The following GCA variants were observed in gnomAD, a reference collection of about 807,000 sequenced individuals.
The protein encoded by GCA is grancalcin.
In GCA, 30 loss-of-function variants were observed where a neutral mutation model predicts 32.6. That is an observed-to-expected ratio of 0.92 (90% confidence interval 0.69 to 1.25). The LOEUF (loss-of-function observed/expected upper bound fraction) is 1.25, where lower values mean the gene tolerates loss of function less well. GCA is among the 50% of genes most tolerant of loss of function. The probability of loss-of-function intolerance (pLI) is 0.00; values close to 1 mark genes in which losing one functional copy is unlikely to be tolerated. For synonymous variants in GCA, 102 were observed against 84.6 expected, an observed-to-expected ratio of 1.21 and a Z score of -1.13; for missense variants, 291 against 266.8, an observed-to-expected ratio of 1.09 and a Z score of -0.63.
intron 1 of GCA, among the ~76,000 whole-genome samples, chr2:162,320,839 C>A (rs750313389): frequency 1.2e-4 from 18 of 152,056 alleles, no homozygotes; most frequent in Non-Finnish European, 2.1e-4. Context: ...AAAAAATATG[C>A]AATGTGCAGG....
intron 1 of GCA, 43 bp from the exon 2 acceptor site, chr2:162,347,535 G>T: frequency 2.5e-6 from 3 of 1,205,872 alleles, no homozygotes; most frequent in South Asian, 1.6e-5. Flanking sequence ...TAGATAATAG[G>T]TAGTATTTAT....
chr2:162,346,859 T>C (rs561982893), intron 1 of GCA, among the ~76,000 whole-genome samples: 1 of 152,344 alleles, frequency 6.6e-6, no homozygotes, highest in South Asian at 2.1e-4. Flanking sequence ...CATTTTGTTA[T>C]GGCTTTAGTT....
intron 1 of GCA, among the ~76,000 whole-genome samples, chr2:162,320,135 A>G (rs1683610947): frequency 6.6e-6 from 1 of 152,194 alleles, no homozygotes; most frequent in Non-Finnish European, 1.5e-5. Flanking sequence ...TGACCATAGC[A>G]GCTGGCATAA....
chr2:162,357,271 T>C (rs1685327402), intron 5 of GCA, among the ~76,000 whole-genome samples: 1 of 151,864 alleles, frequency 6.6e-6, no homozygotes, highest in Non-Finnish European at 1.5e-5. Context: ...AAATAGGTTT[T>C]CAGTGGTAGA....
At chr2:162,328,580 G>A (rs755881226) in intron 1 of GCA, among the ~76,000 whole-genome samples, 1 of 152,190 alleles carries the variant, frequency 6.6e-6, no homozygotes, top group Non-Finnish European at 1.5e-5. Flanking sequence ...CGGGCAGGCT[G>A]TGGGGCTCCG....
At chr2:162,340,965 A>G (rs2105294341), upstream of GCA, among the ~76,000 whole-genome samples, 1 of 152,054 alleles carries the variant, frequency 6.6e-6, no homozygotes, top group Non-Finnish European at 1.5e-5. Flanking sequence ...CTTAACCTTG[A>G]CTTAGGTTTC....
At chr2:162,348,393 AATTT>A (rs1395715949) in intron 2 of GCA, among the ~76,000 whole-genome samples, 24 of 152,178 alleles carry the variant, frequency 1.6e-4, no homozygotes, top group African/African-American at 5.1e-4. Context: ...GAGTCTCGTA[AATTT>A]ATTCAGGTTG....
downstream of GCA, among the ~76,000 whole-genome samples, chr2:162,366,085 T>G (rs1013223120): frequency 6.6e-6 from 1 of 151,738 alleles, no homozygotes; most frequent in African/African-American, 2.4e-5. Context: ...AACATAGTGC[T>G]TTAAAACCAC....
At chr2:162,336,107 T>C (rs1400467203) in intron 1 of GCA, among the ~76,000 whole-genome samples, 5 of 152,222 alleles carry the variant, frequency 3.3e-5, no homozygotes, top group Admixed American at 1.3e-4. Context: ...GAATATCAGC[T>C]GATTTTTTTT....
intron 1 of GCA, 170 bp downstream of exon 1, chr2:162,344,445 A>C: frequency 1.6e-6 from 1 of 641,606 alleles, no homozygotes. Context: ...GCGAGCATTG[A>C]TCCTGGGCTG....
At chr2:162,325,237 G>A (rs1438728006) in intron 1 of GCA, among the ~76,000 whole-genome samples, 1 of 152,124 alleles carries the variant, frequency 6.6e-6, no homozygotes, top group Non-Finnish European at 1.5e-5. Flanking sequence ...GTGCACCCTG[G>A]GAATTCTGGG....
intron 1 of GCA, among the ~76,000 whole-genome samples, chr2:162,335,695 GA>G (rs1169823187): frequency 6.6e-6 from 1 of 152,164 alleles, no homozygotes; most frequent in African/African-American, 2.4e-5. Flanking sequence ...ATAATATTAA[GA>G]GGACTTATTG....
chr2:162,361,528 G>T lies in GCA; in HGVS notation c.*1285G>T. 2 of 979,324 alleles carry T rather than the reference G, an allele frequency of 2.0e-6. No homozygotes were observed. Among genetic ancestry groups the T allele is most frequent in the Non-Finnish European group, 2.4e-6 (2 of 824,686 alleles). The allele number at this position is 979,324 out of a possible 1,614,324, so 60.7% of individuals were successfully genotyped here. A position where few individuals can be genotyped will look rare whatever the true frequency, so the allele number is the denominator to read the frequency against. ...AATCCCATGTTTCTTAATGGATGGA[G>T]GATAGATGGCAATATCTTGAACAAA... On this transcript the variant is annotated 3_prime_UTR_variant, in exon 8 of 8. Coordinates refer to ENST00000437150, the MANE Select transcript of GCA (RefSeq NM_012198.5).
At chr2:162,321,098 T>C (rs1407440346) in intron 1 of GCA, among the ~76,000 whole-genome samples, 2 of 152,184 alleles carry the variant, frequency 1.3e-5, no homozygotes, top group Non-Finnish European at 2.9e-5. Flanking sequence ...GGGACCCTTT[T>C]TGGAGAAAGG....
chr2:162,341,212 TATAAA>T (rs1684429480), upstream of GCA, among the ~76,000 whole-genome samples: 1 of 148,958 alleles, frequency 6.7e-6, no homozygotes, highest in Non-Finnish European at 1.5e-5. Context: ...TTCTTAGTGA[TATAAA>T]ATAAACTCCA....
chr2:162,334,800 T>C (rs1266389811), intron 1 of GCA, among the ~76,000 whole-genome samples: 1 of 152,184 alleles, frequency 6.6e-6, no homozygotes, highest in Non-Finnish European at 1.5e-5. Flanking sequence ...AGTGAATAAA[T>C]GAACATCAAA....
chr2:162,363,662 T>G (rs1240372556), downstream of GCA, among the ~76,000 whole-genome samples: 4 of 151,430 alleles, frequency 2.6e-5, no homozygotes, highest in African/African-American at 9.7e-5. Flanking sequence ...GGAAAAATAT[T>G]TCTGACTCAC....
In GCA at chr2:162,322,497, G is replaced by A. The variant is rs566638926; in HGVS notation, c.-31+3272G>A. On this transcript the variant is annotated intron_variant, in intron 1 of 4. Coordinates refer to the GCA transcript ENST00000429691. ...ATGTATACATGTGTCATGCTGGTGC[G>A]CTGCACCCACTAACTCGTCATCTAG... Among the ~76,000 whole-genome samples the A allele has an allele frequency of 8.3e-3, 1,249 of 150,484 alleles. 43 individuals are homozygous for A. Among genetic ancestry groups the A allele is most frequent in the African/African-American group, 0.029 (1,169 of 40,338 alleles).
Position 162,360,676 on chromosome 2 carries a change from T to C in GCA, c.*433T>C. The C allele has an allele frequency of 1.5e-6, 2 of 1,324,550 alleles. No homozygotes were observed. Among genetic ancestry groups the C allele is most frequent in the Non-Finnish European group, 9.6e-7 (1 of 1,037,688 alleles). The allele number at this position is 1,324,550 out of a possible 1,614,324, so 82.0% of individuals were successfully genotyped here. A position where few individuals can be genotyped will look rare whatever the true frequency, so the allele number is the denominator to read the frequency against. The stretch of plus-strand genomic sequence containing the variant: ...TTTGTAGTTGGTGGTGTTTGAGGGT[T>C]GGCTAGAAATGAAAGCCTGGATTTT... On this transcript the variant is annotated 3_prime_UTR_variant, in exon 8 of 8. Transcript: ENST00000437150.
Sources: gnomAD v4.1 joint callset for allele counts (sites outside exome capture counted in the v4.1 genomes callset) on GRCh38, gnomAD v4.1.1 for gene constraint, MANE v1.5 for transcripts, NCBI Gene and HGNC (gene_info 2026-07-23, HGNC 2026-07-21) for gene names.